MYT1L: variants seen among roughly 807,000 people sequenced by gnomAD.
MYT1L encodes myelin transcription factor 1 like, also known as myelin transcription factor 1-like protein.
A neutral mutation model predicts 126.7 loss-of-function variants in MYT1L; 12 were observed. The ratio of observed to expected loss-of-function variants is 0.09; its 90% CI spans 0.06 to 0.15. MYT1L has a LOEUF of 0.15. Among genes scored for constraint, MYT1L ranks in the 10% least tolerant of loss-of-function variants. The probability of loss-of-function intolerance (pLI) is 1.00; values close to 1 mark genes in which losing one functional copy is unlikely to be tolerated. For synonymous variants in MYT1L, 541 were observed against 604.2 expected (o/e 0.90, Z 1.53); for missense variants, 979 against 1,585.2 (o/e 0.62, Z 6.49).
intron 21 of MYT1L, among the ~76,000 whole-genome samples, chr2:1,817,570 G>A (rs1411431240): frequency 1.3e-5 from 2 of 152,220 alleles, no homozygotes; most frequent in African/African-American, 2.4e-5. Flanking sequence ...CGGCTGTGTC[G>A]GTGCTGCCAA....
chr2:2,288,330 T>G (rs1022612481), intron 1 of MYT1L, among the ~76,000 whole-genome samples: 7 of 152,106 alleles, frequency 4.6e-5, no homozygotes, highest in Non-Finnish European at 8.8e-5. Context: ...AATACCACAC[T>G]CAAACCTCAA....
At chr2:2,167,847 C>A (rs574377279) in intron 3 of MYT1L, among the ~76,000 whole-genome samples, 7 of 152,298 alleles carry the variant, frequency 4.6e-5, no homozygotes, top group Non-Finnish European at 1.0e-4. Flanking sequence ...TTAAATGGCT[C>A]AACAAGAACA....
chr2:1,934,769 C>CAG (rs1553335522), intron 9 of MYT1L, among the ~76,000 whole-genome samples: 8 of 147,364 alleles, frequency 5.4e-5, no homozygotes, highest in South Asian at 2.2e-4. Flanking sequence ...CACACACACA[C>CAG]AGGCACAGGT....
At position 1,997,300 on chromosome 2, in the gene MYT1L, G is replaced by T. The variant is rs1574345533; in HGVS notation, c.-110C>A. ...CTCTACTCCTGGTCCTCTCCAGCTTGTGACTGTGGCAAAGTCACTTAATCT... is the reference window on the plus strand; with the variant it reads ...CTCTACTCCTGGTCCTCTCCAGCTTTTGACTGTGGCAAAGTCACTTAATCT... On this transcript the variant is annotated 5_prime_UTR_variant, in exon 5 of 25. Transcript: ENST00000647738. 1 of 152,760 alleles carries T rather than the reference G, an allele frequency of 6.5e-6. No individual in the cohort carries two copies. The highest frequency in any genetic ancestry group is 2.4e-5 in the African/African-American group (1 of 41,448). The allele number at this position is 152,760 out of a possible 1,614,324, so 9.5% of individuals were successfully genotyped here. A position where few individuals can be genotyped will look rare whatever the true frequency, so the allele number is the denominator to read the frequency against.
chr2:2,065,823 TACACACACACACACACAC>T (rs71824780), intron 3 of MYT1L, among the ~76,000 whole-genome samples: 2 of 144,820 alleles, frequency 1.4e-5, no homozygotes, highest in Non-Finnish European at 3.0e-5. Flanking sequence ...CTCTCTTTTA[TACACACACACACACACAC>T]ACACACGCAC....
At chr2:1,908,288 T>C (rs2148998852) in intron 13 of MYT1L, among the ~76,000 whole-genome samples, 1 of 152,302 alleles carries the variant, frequency 6.6e-6, no homozygotes, top group African/African-American at 2.4e-5. Context: ...CATGCATGCC[T>C]GGTCTCCAGC....
At chr2:2,295,401 A>C (rs1008202497) in intron 1 of MYT1L, among the ~76,000 whole-genome samples, 11 of 152,108 alleles carry the variant, frequency 7.2e-5, no homozygotes, top group African/African-American at 2.7e-4. Context: ...ATAGAGCCAG[A>C]CAGCTTTTTC....
At chr2:1,851,577 G>A (rs1412911589) in intron 19 of MYT1L, 64 bp downstream of exon 19, 2 of 1,496,316 alleles carry the variant, frequency 1.3e-6, no homozygotes, top group Non-Finnish European at 1.9e-6. Context: ...CCTGACGTGA[G>A]TGATATTCCT....
intron 21 of MYT1L, among the ~76,000 whole-genome samples, chr2:1,822,391 A>G (rs938788930): frequency 6.6e-6 from 1 of 152,242 alleles, no homozygotes; most frequent in Non-Finnish European, 1.5e-5. Flanking sequence ...ATTGAGGAAC[A>G]CACGTGCACC....
chr2:2,248,069 A>C (rs1193478611), intron 2 of MYT1L, among the ~76,000 whole-genome samples: 1 of 152,066 alleles, frequency 6.6e-6, no homozygotes, highest in East Asian at 1.9e-4. Context: ...GAAATGAATA[A>C]AACAATACAA....
intron 2 of MYT1L, among the ~76,000 whole-genome samples, chr2:2,196,936 A>G (rs932972639): frequency 1.3e-5 from 2 of 152,246 alleles, no homozygotes; most frequent in Admixed American, 1.3e-4. Flanking sequence ...ATTGAACCCA[A>G]CTAAATGCTG....
intron 4 of MYT1L, among the ~76,000 whole-genome samples, chr2:2,027,111 C>A (rs1375288393): frequency 6.6e-6 from 1 of 152,176 alleles, no homozygotes; most frequent in Non-Finnish European, 1.5e-5. Context: ...TCAGTGTGAA[C>A]CCCCCATCGC....
At chr2:2,170,071 C>T (rs1183221379) in intron 3 of MYT1L, among the ~76,000 whole-genome samples, 1 of 152,218 alleles carries the variant, frequency 6.6e-6, no homozygotes, top group African/African-American at 2.4e-5. Context: ...TTTGTGGAAG[C>T]TTCTGCTAGC....
rs190530224 is a variant in MYT1L at position 2,261,676 on chromosome 2, C to A, written c.-421+22728G>T. On this transcript the variant is annotated intron_variant, in intron 2 of 24. Coordinates refer to ENST00000647738, the MANE Select transcript of MYT1L (RefSeq NM_001303052.2). ...GAGAGTGGTGCAGATACAAAAACAA[C>A]GTCCACAATTGAAAATAATACATTT... is the stretch of plus-strand genomic sequence containing the variant. 2.0e-5 allele frequency among the ~76,000 whole-genome samples: 3 copies of A among 152,190 alleles called. No individual in the cohort carries two copies. In the South Asian group the frequency reaches 6.2e-4, roughly 31 times the overall value.
At chr2:2,122,786 C>A (rs1396941221) in intron 3 of MYT1L, among the ~76,000 whole-genome samples, 1 of 151,182 alleles carries the variant, frequency 6.6e-6, no homozygotes, top group Non-Finnish European at 1.5e-5. Flanking sequence ...CTCTGCCAGG[C>A]TGGTTCCTGG....
Position 1,840,774 on chromosome 2 carries a change from A to G in MYT1L, c.2844T>C (p.Asp948=). 1.3e-6 allele frequency: 2 copies of G among 1,550,550 alleles called. No homozygotes were observed. Among genetic ancestry groups the G allele is most frequent in the Non-Finnish European group, 1.7e-6 (2 of 1,146,848 alleles). ...RIAQSKEDKE[D]QEPIRCPVPG... Reference sequence around the variant, plus strand: ...GGTGCTCATACCTGATGGGTTCTTGATCTTCTTTATCTTCTTTGCTCTGTG... The same window carrying G: ...GGTGCTCATACCTGATGGGTTCTTGGTCTTCTTTATCTTCTTTGCTCTGTG... Residue 948 remains aspartate (D), a synonymous_variant, in exon 20 of 25, where the codon GAT becomes GAC. Coordinates refer to ENST00000647738, the MANE Select transcript of MYT1L (RefSeq NM_001303052.2).
intron 2 of MYT1L, among the ~76,000 whole-genome samples, chr2:2,202,804 G>A (rs2093141534): frequency 6.6e-6 from 1 of 152,088 alleles, no homozygotes; most frequent in Non-Finnish European, 1.5e-5. Context: ...CCAAAGCCTG[G>A]CAGAGACACA....
intron 2 of MYT1L, among the ~76,000 whole-genome samples, chr2:2,182,078 G>A (rs953002664): frequency 3.3e-5 from 5 of 152,012 alleles, no homozygotes; most frequent in African/African-American, 1.2e-4. Context: ...GCCCCACTCT[G>A]ACTACACTGT....
intron 4 of MYT1L, among the ~76,000 whole-genome samples, chr2:1,998,552 C>T (rs751952533): frequency 1.4e-4 from 21 of 152,106 alleles, no homozygotes; most frequent in Admixed American, 7.9e-4. Context: ...AGAACAATTT[C>T]GTCCATACAC....
Sources: allele counts gnomAD v4.1 joint callset (sites outside exome capture counted in the v4.1 genomes callset), GRCh38; gene constraint gnomAD v4.1.1; transcripts MANE v1.5; gene names NCBI Gene and HGNC (gene_info 2026-07-23, HGNC 2026-07-21).